The following CDC5L variants were observed in gnomAD, a reference collection of about 807,000 sequenced individuals.
CDC5L encodes cell division cycle 5 like.
CDC5L carries 18 observed loss-of-function variants against 104.1 expected under a neutral mutation model. The ratio of observed to expected loss-of-function variants is 0.17; its 90% CI spans 0.12 to 0.26. The LOEUF is 0.26. CDC5L is among the 10% of genes least tolerant of loss of function. The probability of loss-of-function intolerance (pLI) is 1.00; values close to 1 mark genes in which losing one functional copy is unlikely to be tolerated. For missense variants in CDC5L, 673 were observed against 956.9 expected, an observed-to-expected ratio of 0.70 and a Z score of 3.91; for synonymous variants, 331 against 322.7, an observed-to-expected ratio of 1.03 and a Z score of -0.28.
intron 2 of CDC5L, among the ~76,000 whole-genome samples, chr6:44,391,834 C>G (rs1016452238): frequency 4.6e-5 from 7 of 151,568 alleles, no homozygotes; most frequent in African/African-American, 1.5e-4. Context: ...GGTGAAAACC[C>G]CGTCTCTTCT....
At chr6:44,429,220 C>T (rs909555076) in intron 13 of CDC5L, among the ~76,000 whole-genome samples, 7 of 152,020 alleles carry the variant, frequency 4.6e-5, no homozygotes, top group African/African-American at 1.4e-4. Context: ...CGAGGTTTTG[C>T]TGTGTTAACC....
At position 44,419,518 on chromosome 6, in the gene CDC5L, C is replaced by T; in HGVS notation, c.1162C>T (p.His388Tyr). Residue 388 changes from histidine (H) to tyrosine (Y), a missense_variant, in exon 9 of 16, where the codon CAT (histidine) becomes TAT (tyrosine). Physicochemically the swap from His to Tyr is moderately conservative, Grantham distance 83. Around this residue, in one of 4 missense-constraint regions of CDC5L, gnomAD observed 578 missense variants for 737.0 expected, o/e 0.78. Coordinates refer to ENST00000371477, the MANE Select transcript of CDC5L (RefSeq NM_001253.4). Reference protein sequence around the residue: ...PLKGGLNTPLHESDFSGVTPQ... With the variant: ...PLKGGLNTPLYESDFSGVTPQ... ...GAAAGGTGGACTTAATACCCCATTG[C>T]ATGAGAGTGACTTCTCAGGTGTAAC... 2 of 1,613,676 alleles carry T rather than the reference C, an allele frequency of 1.2e-6. No homozygotes were observed. Among genetic ancestry groups the T allele is most frequent in the Non-Finnish European group, 1.7e-6 (2 of 1,179,538 alleles).
rs1223038874 is a variant in CDC5L, at chr6:44,408,602, A to G, written c.1062A>G (p.Arg354=). Residue 354 remains arginine (R), a synonymous_variant, in exon 8 of 16, where the codon CGA becomes CGG. Transcript: ENST00000371477. ...ACAGCGTTGCTCTTAGAACACCACG[A>G]ACACCAGCTTCCCAGGACAGAATTC... ...TNNSVALRTP[R]TPASQDRILQ... The G allele has an allele frequency of 1.9e-6, 3 of 1,608,004 alleles. No homozygotes were observed. The highest frequency in any genetic ancestry group is 1.3e-5 in the African/African-American group (1 of 74,770).
At chr6:44,399,629 G>A (rs1791027426) in intron 5 of CDC5L, among the ~76,000 whole-genome samples, 1 of 152,076 alleles carries the variant, frequency 6.6e-6, no homozygotes, top group Non-Finnish European at 1.5e-5. Context: ...CCTCTCTAGT[G>A]AAGTTTACAT....
chr6:44,430,091 T>C (rs938129843), intron 14 of CDC5L, among the ~76,000 whole-genome samples, 181 bp downstream of exon 14: 12 of 151,916 alleles, frequency 7.9e-5, no homozygotes, highest in African/African-American at 2.9e-4. Context: ...TTTTTTTTGT[T>C]TGTTTTGTTT....
chr6:44,393,569 T>C lies in CDC5L; in HGVS notation c.435T>C (p.Asp145=). Residue 145 remains aspartate (D), a synonymous_variant, in exon 4 of 16, where the codon GAT becomes GAC. Coordinates refer to ENST00000371477, the MANE Select transcript of CDC5L (RefSeq NM_001253.4). ...KPARPDPIDM[D]EDELEMLSEA... ...CGCGGCCTGATCCAATTGATATGGA[T>C]GAGGGTAAGTGTATGCTTTGAGGAA... 1 of 1,612,760 alleles carries C rather than the reference T, an allele frequency of 6.2e-7. No homozygotes were observed. The highest frequency in any genetic ancestry group is 8.5e-7 in the Non-Finnish European group (1 of 1,179,386).
intron 13 of CDC5L, among the ~76,000 whole-genome samples, chr6:44,429,056 CTG>C (rs1319835570): frequency 8.6e-5 from 11 of 128,220 alleles, no homozygotes; most frequent in Admixed American, 3.6e-4. Context: ...GAGTCTCACT[CTG>C]TTGCACAGGC....
intron 13 of CDC5L, among the ~76,000 whole-genome samples, chr6:44,428,999 G>T (rs904364700): frequency 2.7e-5 from 4 of 149,322 alleles, no homozygotes; most frequent in Admixed American, 2.7e-4. Flanking sequence ...ATCTCTATGA[G>T]CCTTAGTTTC....
At chr6:44,433,678 T>C (rs907483808) in intron 14 of CDC5L, among the ~76,000 whole-genome samples, 3 of 152,174 alleles carry the variant, frequency 2.0e-5, no homozygotes, top group African/African-American at 7.2e-5. Flanking sequence ...AAATATTATA[T>C]AACATAGACT....
chr6:44,387,718 A>G lies in CDC5L; in HGVS notation c.-106A>G, dbSNP rs11571896. ...CGCTTGCGCAGATCTTCAAAGCAGA[A>G]GGTCGCGCTTGGAGGAAGTGGCGGC... On this transcript the variant is annotated 5_prime_UTR_variant, in exon 1 of 16. Coordinates refer to ENST00000371477, the MANE Select transcript of CDC5L (RefSeq NM_001253.4). 2.4e-4 allele frequency: 235 copies of G among 987,524 alleles called. 1 individual carries two copies. The African/African-American group carries it at 3.4e-3, about 14-fold the overall frequency. The allele number at this position is 987,524 out of a possible 1,614,324, so 61.2% of individuals were successfully genotyped here.
intron 8 of CDC5L, among the ~76,000 whole-genome samples, chr6:44,410,410 A>G (rs1791574869): frequency 6.6e-6 from 1 of 152,188 alleles, no homozygotes; most frequent in South Asian, 2.1e-4. Context: ...AAGGCTGAAT[A>G]GTATTTTATT....
intron 10 of CDC5L, 123 bp from the exon 11 acceptor site, chr6:44,424,296 T>G: frequency 1.2e-6 from 1 of 826,586 alleles, no homozygotes; most frequent in Non-Finnish European, 1.9e-6. Flanking sequence ...CTTAGTTATT[T>G]TAAAATGTAC....
chr6:44,392,050 T>C (rs561091739), intron 2 of CDC5L, among the ~76,000 whole-genome samples: 1 of 152,260 alleles, frequency 6.6e-6, no homozygotes, highest in East Asian at 1.9e-4. Flanking sequence ...CTGATTTCTG[T>C]TTGTCTTAGT....
chr6:44,427,010 T>C (rs1195100772), intron 13 of CDC5L, among the ~76,000 whole-genome samples: 3 of 152,248 alleles, frequency 2.0e-5, no homozygotes, highest in Non-Finnish European at 2.9e-5. Flanking sequence ...TGCCGTTTTC[T>C]GTATTCAGCT....
intron 14 of CDC5L, among the ~76,000 whole-genome samples, chr6:44,441,351 G>A (rs1793179127): frequency 6.6e-6 from 1 of 152,144 alleles, no homozygotes; most frequent in South Asian, 2.1e-4. Flanking sequence ...ATAGTATTCC[G>A]TTTTATGTGT....
Position 44,419,624 on chromosome 6 carries a change from T to C in CDC5L, c.1241+27T>C, listed in dbSNP as rs552290891. On this transcript the variant is annotated intron_variant, in intron 9 of 15. Transcript: ENST00000371477. ...TATTGTAAATGAACACGTTTTTATT[T>C]TAGAAAAACTTGAATTCAAGGACTT... is the stretch of plus-strand genomic sequence containing the variant. 3 of 1,573,030 alleles carry C rather than the reference T, an allele frequency of 1.9e-6. No homozygotes were observed. In the African/African-American group the frequency reaches 4.0e-5, roughly 21 times the overall value.
intron 7 of CDC5L, among the ~76,000 whole-genome samples, chr6:44,407,863 A>C (rs1408128124): frequency 4.6e-5 from 7 of 152,180 alleles, no homozygotes; most frequent in African/African-American, 1.4e-4. Flanking sequence ...AGTACACCTT[A>C]GGATATTTAT....
At chr6:44,402,185 G>A (rs572240427) in intron 5 of CDC5L, among the ~76,000 whole-genome samples, 6 of 145,458 alleles carry the variant, frequency 4.1e-5, no homozygotes, top group South Asian at 2.3e-4. Context: ...TGGGATGGCT[G>A]GGTCAAATGG....
intron 6 of CDC5L, among the ~76,000 whole-genome samples, chr6:44,405,663 T>G (rs1791329763): frequency 6.6e-6 from 1 of 152,232 alleles, no homozygotes; most frequent in South Asian, 2.1e-4. Flanking sequence ...CTTGTCATAC[T>G]TTTTCCTATG....
Sources: allele counts gnomAD v4.1 joint callset (sites outside exome capture counted in the v4.1 genomes callset), GRCh38; gene constraint gnomAD v4.1.1; regional missense constraint gnomAD v4.1.1; transcripts MANE v1.5; gene names NCBI Gene and HGNC (gene_info 2026-07-23, HGNC 2026-07-21).